Variants in LRRC4C observed in about 807,000 individuals in gnomAD.
The protein encoded by LRRC4C is leucine rich repeat containing 4C.
Under a neutral mutation model 33.6 loss-of-function variants are expected in LRRC4C, and 5 were observed. The ratio of observed to expected loss-of-function variants is 0.15; its 90% CI spans 0.08 to 0.31. The LOEUF (loss-of-function observed/expected upper bound fraction) is 0.31, where lower values mean the gene tolerates loss of function less well. Ranked by LOEUF, LRRC4C falls within the 10% of genes least tolerant of loss-of-function variation. The probability of loss-of-function intolerance (pLI) is 1.00; values close to 1 mark genes in which losing one functional copy is unlikely to be tolerated. For missense variants in LRRC4C, 560 were observed against 796.7 expected, an observed-to-expected ratio of 0.70 and a Z score of 3.58; for synonymous variants, 329 against 302.0, an observed-to-expected ratio of 1.09 and a Z score of -0.93.
At chr11:40,818,559 A>T (rs557181737) in intron 2 of LRRC4C, among the ~76,000 whole-genome samples, 73 of 152,202 alleles carry the variant, frequency 4.8e-4, no homozygotes, top group African/African-American at 1.7e-3. Flanking sequence ...CCTTTCTCCT[A>T]TTTTTGTTCA....
intron 5 of LRRC4C, among the ~76,000 whole-genome samples, chr11:40,184,329 A>G (rs992175103): frequency 5.3e-5 from 8 of 152,224 alleles, no homozygotes; most frequent in African/African-American, 1.4e-4. Context: ...TTGAGATTTC[A>G]AATAAGTCTC....
intron 1 of LRRC4C, among the ~76,000 whole-genome samples, chr11:41,240,823 A>G (rs963582446): frequency 2.0e-5 from 3 of 152,116 alleles, no homozygotes; most frequent in African/African-American, 4.8e-5. Context: ...ACACACACGC[A>G]CACACACACA....
intron 3 of LRRC4C, among the ~76,000 whole-genome samples, chr11:40,588,220 C>G (rs776781179): frequency 0.029 from 4,278 of 149,596 alleles, 193 homozygotes; most frequent in African/African-American, 0.099. Context: ...TGTATGTGTC[C>G]AGGAATTTAT....
At position 40,254,580 on chromosome 11, in the gene LRRC4C, C is replaced by G. The variant is rs533416165; in HGVS notation, c.-175-12982G>C. 7.9e-5 allele frequency among the ~76,000 whole-genome samples: 12 copies of G among 152,292 alleles called. No homozygotes were observed. The South Asian group carries it at 2.5e-3, about 32-fold the overall frequency. Reference sequence around the variant, plus strand: ...TCCTCCTTTTTAAAAACATGATACACATAATAGAACTTCTAGAATTGTATA... The same window carrying G: ...TCCTCCTTTTTAAAAACATGATACAGATAATAGAACTTCTAGAATTGTATA... On this transcript the variant is annotated intron_variant, in intron 4 of 6. Transcript: ENST00000528697.
intron 3 of LRRC4C, among the ~76,000 whole-genome samples, chr11:40,601,609 T>C (rs1959998995): frequency 6.6e-6 from 1 of 152,240 alleles, no homozygotes. Context: ...TTTGCATGAA[T>C]GGCTTCATTT....
At chr11:40,490,381 G>T (rs1326504627) in intron 3 of LRRC4C, among the ~76,000 whole-genome samples, 1 of 152,136 alleles carries the variant, frequency 6.6e-6, no homozygotes, top group Non-Finnish European at 1.5e-5. Context: ...AAGCTGGGCT[G>T]CTGTAATGAA....
chr11:41,402,526 G>T (rs1954064403), intron 1 of LRRC4C, among the ~76,000 whole-genome samples: 1 of 152,126 alleles, frequency 6.6e-6, no homozygotes, highest in Admixed American at 6.6e-5. Context: ...AAATGTGGAA[G>T]ACATGCTGAT....
intron 1 of LRRC4C, among the ~76,000 whole-genome samples, chr11:41,186,089 G>A (rs1001854807): frequency 1.3e-5 from 2 of 152,010 alleles, no homozygotes; most frequent in African/African-American, 4.8e-5. Context: ...TGACATGAAT[G>A]TAGTATAAAA....
At chr11:40,614,122 C>A (rs1341748506) in intron 3 of LRRC4C, among the ~76,000 whole-genome samples, 1 of 151,834 alleles carries the variant, frequency 6.6e-6, no homozygotes, top group African/African-American at 2.4e-5. Flanking sequence ...TCCCTTGAAG[C>A]TTTGAAGCCA....
chr11:40,441,946 A>T (rs1173264781), intron 3 of LRRC4C, among the ~76,000 whole-genome samples: 14 of 152,086 alleles, frequency 9.2e-5, no homozygotes, highest in Admixed American at 9.2e-4. Context: ...GTGGATCACC[A>T]GTTCAGGAGA....
intron 1 of LRRC4C, among the ~76,000 whole-genome samples, chr11:41,084,273 G>C (rs1312388627): frequency 6.6e-6 from 1 of 152,150 alleles, no homozygotes; most frequent in Non-Finnish European, 1.5e-5. Flanking sequence ...GGTTTCAAAT[G>C]TTGGCTAGCA....
At chr11:40,597,089 A>T (rs1959410516) in intron 3 of LRRC4C, among the ~76,000 whole-genome samples, 3 of 152,300 alleles carry the variant, frequency 2.0e-5, no homozygotes, top group South Asian at 4.1e-4. Flanking sequence ...TTCACAGAAA[A>T]ATCATCAGTT....
chr11:40,740,014 A>G (rs1185796820), intron 2 of LRRC4C, among the ~76,000 whole-genome samples: 1 of 151,850 alleles, frequency 6.6e-6, no homozygotes, highest in Non-Finnish European at 1.5e-5. Context: ...CAAATATGGC[A>G]TAATCTTATA....
chr11:40,392,551 C>A (rs1949378855), intron 3 of LRRC4C, among the ~76,000 whole-genome samples: 1 of 151,802 alleles, frequency 6.6e-6, no homozygotes, highest in Non-Finnish European at 1.5e-5. Flanking sequence ...AAGATGTCAA[C>A]CATTCAGGTG....
chr11:40,461,399 A>G (rs1464175559), intron 3 of LRRC4C, among the ~76,000 whole-genome samples: 2 of 152,076 alleles, frequency 1.3e-5, no homozygotes, highest in Non-Finnish European at 2.9e-5. Flanking sequence ...CATAGGCAAG[A>G]GTTGTAACTT....
In LRRC4C at chr11:40,561,408, C is replaced by CTTTTTTTTTTTTTTTTTTTTTTTTTT. The variant is rs549919738; in HGVS notation, c.-270+86733_-270+86734insAAAAAAAAAAAAAAAAAAAAAAAAAA. Among the ~76,000 whole-genome samples the CTTTTTTTTTTTTTTTTTTTTTTTTTT allele has an allele frequency of 2.0e-5, 2 of 100,936 alleles. 1 individual carries two copies. Among genetic ancestry groups the CTTTTTTTTTTTTTTTTTTTTTTTTTT allele is most frequent in the Non-Finnish European group, 3.7e-5 (2 of 53,864 alleles). 66.2% of individuals were successfully genotyped at this position (100,936 alleles called of 152,430 possible). ...TCTTTATTCTTTGTTCTGAGGATTC[C>CTTTTTTTTTTTTTTTTTTTTTTTTTT]TTTTTTTTTTTTTTTTTTTTTTGAG... On this transcript the variant is annotated intron_variant, in intron 3 of 6. Transcript: ENST00000528697.
chr11:41,159,945 A>T (rs1361534494), intron 1 of LRRC4C, among the ~76,000 whole-genome samples: 1 of 152,090 alleles, frequency 6.6e-6, no homozygotes, highest in Admixed American at 6.6e-5. Flanking sequence ...ATGGGGGATA[A>T]ATTCTAGTCA....
At chr11:40,732,393 A>C (rs1947632611) in intron 2 of LRRC4C, among the ~76,000 whole-genome samples, 2 of 152,278 alleles carry the variant, frequency 1.3e-5, no homozygotes, top group South Asian at 2.1e-4. Flanking sequence ...TTTCTTGCTG[A>C]ATGATGGTCT....
At position 40,791,115 on chromosome 11, in the gene LRRC4C, C is replaced by T. The variant is rs564996674; in HGVS notation, c.-407+142520G>A. 6.6e-5 allele frequency among the ~76,000 whole-genome samples: 10 copies of T among 152,236 alleles called. No individual in the cohort carries two copies. In the East Asian group the frequency reaches 1.9e-3, roughly 29 times the overall value. On this transcript the variant is annotated intron_variant, in intron 2 of 6. Coordinates refer to ENST00000528697, the MANE Select transcript of LRRC4C (RefSeq NM_001258419.2). ...GATAAGGATTATTTAAAGCTCACTC[C>T]CCACCTCTTCCAGAGGTGCTCATGA...
Sources: gnomAD v4.1 joint callset for allele counts (sites outside exome capture counted in the v4.1 genomes callset) on GRCh38, gnomAD v4.1.1 for gene constraint, MANE v1.5 for transcripts, NCBI Gene and HGNC (gene_info 2026-07-23, HGNC 2026-07-21) for gene names.